The following RFX4 variants were observed in gnomAD, a reference collection of about 807,000 sequenced individuals.
RFX4 encodes regulatory factor X4.
RFX4 carries 10 observed loss-of-function variants against 95.0 expected under a neutral mutation model. That is an observed-to-expected ratio of 0.11 (90% CI 0.06 to 0.18). RFX4 has a LOEUF of 0.18. RFX4 is among the 10% of genes least tolerant of loss of function. The probability of loss-of-function intolerance (pLI) is 1.00; values close to 1 mark genes in which losing one functional copy is unlikely to be tolerated. For missense variants in RFX4, 640 were observed against 922.0 expected, an observed-to-expected ratio of 0.69 and a Z score of 3.96; for synonymous variants, 321 against 340.7, an observed-to-expected ratio of 0.94 and a Z score of 0.64.
chr12:106,596,280 G>C (rs1383031943), intron 1 of RFX4, among the ~76,000 whole-genome samples: 2 of 152,138 alleles, frequency 1.3e-5, no homozygotes, highest in African/African-American at 4.8e-5. Context: ...TTTAAAAACG[G>C]GAGTTTCCCT....
chr12:106,648,026 A>G (rs556685841), intron 3 of RFX4, among the ~76,000 whole-genome samples: 1 of 152,208 alleles, frequency 6.6e-6, no homozygotes, highest in Non-Finnish European at 1.5e-5. Context: ...CCTGGGAAGT[A>G]GTGAGAGCTT....
chr12:106,641,826 C>T (rs1299536492), intron 3 of RFX4, among the ~76,000 whole-genome samples: 2 of 152,066 alleles, frequency 1.3e-5, no homozygotes, highest in East Asian at 3.9e-4. Flanking sequence ...TAAATGTTTA[C>T]TGAGCACCTG....
chr12:106,653,162 T>C lies in RFX4; in HGVS notation c.192-1066T>C, dbSNP rs2040887814. On this transcript the variant is annotated intron_variant, in intron 3 of 17. Coordinates refer to ENST00000392842, the MANE Select transcript of RFX4 (RefSeq NM_213594.3). ...TTTTCTTGGGAAAGGTATTTAACTT[T>C]CCAGAGTGCCTAGGACAATGGAGGC... 2.0e-5 allele frequency among the ~76,000 whole-genome samples: 3 copies of C among 152,174 alleles called. 1 individual carries two copies. Among genetic ancestry groups the C allele is most frequent in the Middle Eastern group, 6.3e-3 (2 of 316 alleles).
intron 3 of RFX4, among the ~76,000 whole-genome samples, chr12:106,640,890 C>T (rs1055067683): frequency 9.9e-5 from 15 of 150,826 alleles, no homozygotes; most frequent in Non-Finnish European, 2.1e-4. Context: ...AAGTGATCCT[C>T]TTACCTCAGC....
chr12:106,708,593 A>G (rs1168928898), intron 8 of RFX4, among the ~76,000 whole-genome samples: 1 of 152,096 alleles, frequency 6.6e-6, no homozygotes, highest in Non-Finnish European at 1.5e-5. Flanking sequence ...GCAAGGATGG[A>G]TGGTCAATGG....
intron 1 of RFX4, among the ~76,000 whole-genome samples, chr12:106,598,797 C>T (rs543122629): frequency 1.3e-5 from 2 of 152,116 alleles, no homozygotes; most frequent in Non-Finnish European, 2.9e-5. Flanking sequence ...ATATCAGATG[C>T]CGTGCAGAGC....
At chr12:106,682,207 C>T (rs2041529359) in intron 5 of RFX4, 153 bp downstream of exon 5, 2 of 718,162 alleles carry the variant, frequency 2.8e-6, no homozygotes, top group Non-Finnish European at 4.6e-6. Flanking sequence ...ACGGCCAGGG[C>T]CCCTCTCTCA....
chr12:106,590,111 T>C (rs1238556233), intron 1 of RFX4, among the ~76,000 whole-genome samples: 1 of 152,220 alleles, frequency 6.6e-6, no homozygotes, highest in Non-Finnish European at 1.5e-5. Context: ...AAAACCTATC[T>C]GGAGTAATAA....
chr12:106,666,866 C>A (rs1367598098), intron 4 of RFX4, among the ~76,000 whole-genome samples: 3 of 152,082 alleles, frequency 2.0e-5, no homozygotes, highest in Non-Finnish European at 4.4e-5. Flanking sequence ...GTTTTAAATT[C>A]CTGGTCTGAT....
intron 3 of RFX4, among the ~76,000 whole-genome samples, chr12:106,644,217 G>A (rs2040694308): frequency 6.8e-6 from 1 of 146,902 alleles, no homozygotes. Context: ...CAGAATTAAT[G>A]TTGCCATTTC....
intron 1 of RFX4, chr12:106,601,260 A>C: frequency 6.3e-7 from 1 of 1,580,036 alleles, no homozygotes; most frequent in Non-Finnish European, 8.6e-7. Flanking sequence ...AGAGAGACAG[A>C]AAGGGGCTGA....
At chr12:106,606,807 A>T (rs1951443582) in intron 1 of RFX4, among the ~76,000 whole-genome samples, 1 of 152,196 alleles carries the variant, frequency 6.6e-6, no homozygotes, top group African/African-American at 2.4e-5. Context: ...AAAACAAAAC[A>T]AAAATCCGAC....
intron 9 of RFX4, among the ~76,000 whole-genome samples, 180 bp from the exon 10 acceptor site, chr12:106,711,273 C>T (rs1342387603): frequency 6.6e-6 from 1 of 152,140 alleles, no homozygotes; most frequent in Admixed American, 6.5e-5. Context: ...TGTTGAAGCC[C>T]ACATGGGAGA....
At chr12:106,753,616 A>G (rs1566008399) in intron 17 of RFX4, among the ~76,000 whole-genome samples, 2 of 151,814 alleles carry the variant, frequency 1.3e-5, no homozygotes, top group South Asian at 4.2e-4. Flanking sequence ...TGCGCTGAGC[A>G]CTCTCCACAT....
chr12:106,684,061 TG>T (rs1292638404), intron 5 of RFX4, among the ~76,000 whole-genome samples: 1 of 152,068 alleles, frequency 6.6e-6, no homozygotes, highest in Non-Finnish European at 1.5e-5. Context: ...AAATTGACAA[TG>T]ACAGAAGAAA....
chr12:106,733,027 A>C lies in RFX4; in HGVS notation c.1575A>C (p.Pro525=). 1 of 1,613,984 alleles carries C rather than the reference A, an allele frequency of 6.2e-7. No homozygotes were observed. The change falls in exon 15 of 18, where the codon CCA becomes CCC. Residue 525 remains proline, a synonymous_variant. Transcript: ENST00000392842. ...PAKSATSVEV[P]PPSSPVSNPS... ...AATCTGCCACATCTGTGGAAGTGCCACCTCCCTCTTCCCCTGTTAGCAATC... is the reference window on the plus strand; with the variant it reads ...AATCTGCCACATCTGTGGAAGTGCCCCCTCCCTCTTCCCCTGTTAGCAATC...
intron 13 of RFX4, among the ~76,000 whole-genome samples, chr12:106,730,271 G>A (rs1193870278): frequency 6.6e-6 from 1 of 152,212 alleles, no homozygotes; most frequent in Non-Finnish European, 1.5e-5. Context: ...TCACCAAGGA[G>A]TGCTCCACAA....
At chr12:106,615,350 G>A (rs2040053002) in intron 2 of RFX4, among the ~76,000 whole-genome samples, 1 of 151,864 alleles carries the variant, frequency 6.6e-6, no homozygotes, top group South Asian at 2.1e-4. Flanking sequence ...TCTATTTTTG[G>A]GCTAATACTA....
intron 4 of RFX4, among the ~76,000 whole-genome samples, chr12:106,665,686 T>G (rs1232814905): frequency 2.6e-5 from 4 of 151,980 alleles, no homozygotes. Context: ...TTAAATGGCC[T>G]TCCTATAATT....
Sources: gnomAD v4.1 joint callset for allele counts (sites outside exome capture counted in the v4.1 genomes callset) on GRCh38, gnomAD v4.1.1 for gene constraint, MANE v1.5 for transcripts, NCBI Gene and HGNC (gene_info 2026-07-23, HGNC 2026-07-21) for gene names.